Variants in TENT2 observed in about 807,000 individuals in gnomAD.
TENT2 encodes the protein poly(A) RNA polymerase GLD2.
TENT2 carries 44 observed loss-of-function variants against 72.2 expected under a neutral mutation model. The ratio of observed to expected loss-of-function variants is 0.61; its 90% CI spans 0.48 to 0.78. The LOEUF is 0.78. TENT2 is among the 30% of genes least tolerant of loss of function. The probability of loss-of-function intolerance (pLI) is 0.00; values close to 1 mark genes in which losing one functional copy is unlikely to be tolerated. For synonymous variants in TENT2, 212 were observed against 192.5 expected, an observed-to-expected ratio of 1.10 and a Z score of -0.84; for missense variants, 541 against 569.6, an observed-to-expected ratio of 0.95 and a Z score of 0.51.
intron 12 of TENT2, among the ~76,000 whole-genome samples, chr5:79,675,858 A>G (rs1168809745): frequency 1.3e-5 from 2 of 152,130 alleles, no homozygotes; most frequent in Non-Finnish European, 2.9e-5. Flanking sequence ...CAGAGCTGGA[A>G]AAAGGATTTG....
At chr5:79,677,956 C>T (rs1287266034) in intron 12 of TENT2, among the ~76,000 whole-genome samples, 2 of 152,138 alleles carry the variant, frequency 1.3e-5, no homozygotes, top group Non-Finnish European at 2.9e-5. Context: ...GCCACCACGC[C>T]TGCTACTTTT....
Position 79,623,315 on chromosome 5 carries a change from C to T in TENT2, c.291C>T (p.His97=). The change falls in exon 4 of 15, where the codon CAC becomes CAT. Residue 97 remains histidine (H), a synonymous_variant. Coordinates refer to ENST00000453514, the MANE Select transcript of TENT2 (RefSeq NM_001114394.3). ...DGKRQRFHSP[H]QEPTVVNQIV... is the part of the protein sequence containing the mutation. ...AACGGCAACGTTTCCATTCACCCCA[C>T]CAAGAGCCAACTGTAGTTAACCAGA... 6.2e-7 allele frequency: 1 copy of T among 1,613,610 alleles called. No individual in the cohort carries two copies. Among genetic ancestry groups the T allele is most frequent in the Non-Finnish European group, 8.5e-7 (1 of 1,179,748 alleles).
At chr5:79,652,023 A>C (rs1456926727) in intron 10 of TENT2, among the ~76,000 whole-genome samples, 1 of 152,138 alleles carries the variant, frequency 6.6e-6, no homozygotes, top group Non-Finnish European at 1.5e-5. Context: ...TGGAATACAC[A>C]ATCATGCTGA....
At chr5:79,634,059 C>T (rs921835659) in intron 4 of TENT2, among the ~76,000 whole-genome samples, 2 of 147,964 alleles carry the variant, frequency 1.4e-5, no homozygotes, top group Non-Finnish European at 3.0e-5. Context: ...GTCCCAGCTA[C>T]TCGGGAGAAT....
intron 12 of TENT2, among the ~76,000 whole-genome samples, chr5:79,672,404 C>G (rs1265881920): frequency 1.3e-5 from 2 of 152,146 alleles, no homozygotes; most frequent in Non-Finnish European, 2.9e-5. Context: ...AAATATATAT[C>G]TTATTCGTTC....
intron 8 of TENT2, 43 bp downstream of exon 8, chr5:79,645,235 ATTTT>A: frequency 7.1e-7 from 1 of 1,402,052 alleles, no homozygotes; most frequent in Non-Finnish European, 1.0e-6. Context: ...CCTTTAGATC[ATTTT>A]TAGATACTCA....
rs1026204243 is a variant in TENT2 at position 79,632,956 on chromosome 5, A to G, written c.466-7895A>G. Among the ~76,000 whole-genome samples, 5 of 152,290 alleles carry G rather than the reference A, an allele frequency of 3.3e-5. No homozygotes were observed. In the East Asian group the frequency reaches 9.6e-4, roughly 29 times the overall value. ...AAAGTAATCAGACTTCAGGGGGAAA[A>G]CAATCAGTAATCCAAACTGCCTTCT... On this transcript the variant is annotated intron_variant, in intron 4 of 14. Transcript: ENST00000453514.
At chr5:79,666,196 C>A (rs1391802580) in intron 11 of TENT2, among the ~76,000 whole-genome samples, 1 of 151,552 alleles carries the variant, frequency 6.6e-6, no homozygotes, top group African/African-American at 2.4e-5. Context: ...ACCGTGTTGG[C>A]CAGGCTGGTC....
intron 12 of TENT2, among the ~76,000 whole-genome samples, chr5:79,676,630 T>G (rs1386852591): frequency 6.6e-6 from 1 of 152,098 alleles, no homozygotes; most frequent in Non-Finnish European, 1.5e-5. Flanking sequence ...TATTGATGAA[T>G]GCCAGTCTGT....
intron 12 of TENT2, among the ~76,000 whole-genome samples, chr5:79,672,235 A>G (rs1398689540): frequency 6.6e-6 from 1 of 152,226 alleles, no homozygotes; most frequent in Non-Finnish European, 1.5e-5. Context: ...ATATTTTGAT[A>G]TAGGCATACA....
chr5:79,612,724 C>G lies in TENT2; in HGVS notation c.-389C>G, dbSNP rs561085275. On this transcript the variant is annotated 5_prime_UTR_variant, in exon 1 of 15. Transcript: ENST00000453514. ...CAGCTCGGGCCTTAGAACTTCTGAA[C>G]GGGCAGTGCGGGTAGGCCCTGCTTA... The G allele has an allele frequency of 6.5e-6, 1 of 152,676 alleles. No individual in the cohort carries two copies. The highest frequency in any genetic ancestry group is 1.9e-4 in the East Asian group (1 of 5,200). The allele number at this position is 152,676 out of a possible 1,614,324, so 9.5% of individuals were successfully genotyped here.
chr5:79,667,086 A>T (rs1312812814), intron 11 of TENT2, among the ~76,000 whole-genome samples: 1 of 152,186 alleles, frequency 6.6e-6, no homozygotes, highest in African/African-American at 2.4e-5. Flanking sequence ...AATGGAGTGG[A>T]TCTCACGACT....
chr5:79,671,049 T>C (rs143617560), intron 12 of TENT2, among the ~76,000 whole-genome samples: 1 of 152,216 alleles, frequency 6.6e-6, no homozygotes, highest in African/African-American at 2.4e-5. Flanking sequence ...TTTTTTCCCA[T>C]GTATAGTGTA....
intron 13 of TENT2, among the ~76,000 whole-genome samples, chr5:79,680,793 T>C (rs965715450): frequency 6.6e-6 from 1 of 152,210 alleles, no homozygotes; most frequent in African/African-American, 2.4e-5. Context: ...TGTGCATTTT[T>C]CCTCCTTTTT....
At chr5:79,650,454 A>G (rs1325770072) in intron 10 of TENT2, among the ~76,000 whole-genome samples, 1 of 152,148 alleles carries the variant, frequency 6.6e-6, no homozygotes, top group African/African-American at 2.4e-5. Context: ...AGCTGCTGAT[A>G]GAGCACTATC....
chr5:79,621,181 C>T (rs938472835), intron 3 of TENT2, among the ~76,000 whole-genome samples: 2 of 151,754 alleles, frequency 1.3e-5, no homozygotes, highest in East Asian at 1.9e-4. Flanking sequence ...TTACAACTAA[C>T]GGTTTGATTA....
At chr5:79,656,615 A>C (rs1798154576) in intron 10 of TENT2, among the ~76,000 whole-genome samples, 1 of 151,940 alleles carries the variant, frequency 6.6e-6, no homozygotes, top group Non-Finnish European at 1.5e-5. Flanking sequence ...ATGTCTATTC[A>C]GTATCTGTAG....
rs79228115 is a variant in TENT2 at position 79,631,195 on chromosome 5, A to T, written c.465+7706A>T. Among the ~76,000 whole-genome samples, 189 of 152,290 alleles carry T rather than the reference A, an allele frequency of 1.2e-3. 2 individuals are homozygous for T. The highest frequency in any genetic ancestry group is 6.0e-3 in the South Asian group (29 of 4,832). ...GTGACAGCCCAAAATGCCTATGGAC[A>T]TTGCCAGTCATCCTCTGGGGCAAAA... On this transcript the variant is annotated intron_variant, in intron 4 of 14. Transcript: ENST00000453514.
At chr5:79,628,846 A>G (rs1772664033) in intron 4 of TENT2, among the ~76,000 whole-genome samples, 1 of 152,362 alleles carries the variant, frequency 6.6e-6, no homozygotes, top group South Asian at 2.1e-4. Flanking sequence ...TAACGAGAAC[A>G]CTATCAAAAA....
Sources: allele counts gnomAD v4.1 joint callset (sites outside exome capture counted in the v4.1 genomes callset), GRCh38; gene constraint gnomAD v4.1.1; transcripts MANE v1.5; gene names NCBI Gene and HGNC (gene_info 2026-07-23, HGNC 2026-07-21).